Variants in KNTC1 observed in about 807,000 individuals in gnomAD.
The protein encoded by KNTC1 is kinetochore associated 1.
Under a neutral mutation model 314.4 loss-of-function variants are expected in KNTC1, and 253 were observed. That is an observed-to-expected ratio of 0.80 (90% CI 0.73 to 0.89). The LOEUF (loss-of-function observed/expected upper bound fraction) is 0.89. KNTC1 is among the 40% of genes least tolerant of loss of function. The pLI is 0.00. For synonymous variants in KNTC1, 901 were observed against 901.4 expected (o/e 1.00, Z 0.01); for missense variants, 2,475 against 2,572.9 (o/e 0.96, Z 0.82).
At chr12:122,554,696 G>T (rs1963457731) in intron 16 of KNTC1, among the ~76,000 whole-genome samples, 1 of 152,070 alleles carries the variant, frequency 6.6e-6, no homozygotes, top group South Asian at 2.1e-4. Flanking sequence ...GAAAATCTGT[G>T]AAAGAAATGA....
intron 20 of KNTC1, among the ~76,000 whole-genome samples, chr12:122,564,312 T>C (rs1964164518): frequency 6.6e-6 from 1 of 152,122 alleles, no homozygotes; most frequent in African/African-American, 2.4e-5. Flanking sequence ...GAAAATCCAT[T>C]TCTGATGATA....
intron 6 of KNTC1, 145 bp from the exon 7 acceptor site, chr12:122,543,455 G>T: frequency 1.7e-6 from 1 of 592,372 alleles, no homozygotes; most frequent in Non-Finnish European, 3.0e-6. Flanking sequence ...CACAGTTAGC[G>T]TATTTTGGTC....
At chr12:122,608,674 C>G (rs78388330) in intron 51 of KNTC1, among the ~76,000 whole-genome samples, 5,928 of 152,196 alleles carry the variant, frequency 0.039, 407 homozygotes, top group African/African-American at 0.14. Context: ...TACATAGCAC[C>G]TAGTACAGTA....
At chr12:122,617,686 G>T (rs901864538) in intron 57 of KNTC1, among the ~76,000 whole-genome samples, 2 of 152,118 alleles carry the variant, frequency 1.3e-5, no homozygotes, top group African/African-American at 2.4e-5. Context: ...TGTATAATGA[G>T]ATCCTGAAAG....
Position 122,618,486 on chromosome 12 carries a change from T to A in KNTC1, c.6090T>A (p.Ser2030=), listed in dbSNP as rs1468433770. ...RVIQIPLLSA[S]CPLSPDQLSD... ...GTTTTTTTGTTTTGTTTTCAGCCTCTTGTCCTTTAAGTCCTGATCAGCTGT... is the reference window on the plus strand; with the variant it reads ...GTTTTTTTGTTTTGTTTTCAGCCTCATGTCCTTTAAGTCCTGATCAGCTGT... The change falls in exon 59 of 64, where the codon TCT becomes TCA. Residue 2030 remains serine, a synonymous_variant. Transcript: ENST00000333479. The A allele has an allele frequency of 8.1e-6, 13 of 1,612,076 alleles. No individual in the cohort carries two copies. Among genetic ancestry groups the A allele is most frequent in the African/African-American group, 2.7e-5 (2 of 74,712 alleles).
Position 122,621,342 on chromosome 12 carries a change from C to T in KNTC1, c.6280-539C>T, listed in dbSNP as rs529211448. 3.9e-5 allele frequency among the ~76,000 whole-genome samples: 6 copies of T among 152,232 alleles called. No homozygotes were observed. The South Asian group carries it at 1.2e-3, about 32-fold the overall frequency. ...ATAAATGAACATACATGCATTCAGG[C>T]TTTTTCGTTTGTTTGTTTTTTGTGT... On this transcript the variant is annotated intron_variant, in intron 60 of 63. Coordinates refer to ENST00000333479, the MANE Select transcript of KNTC1 (RefSeq NM_014708.6).
chr12:122,556,226 C>G (rs117758059), intron 16 of KNTC1, among the ~76,000 whole-genome samples: 11,048 of 151,916 alleles, frequency 0.073, 554 homozygotes, highest in Middle Eastern at 0.13. Flanking sequence ...CCATGTTGCT[C>G]AAGCTGGTCT....
intron 43 of KNTC1, among the ~76,000 whole-genome samples, chr12:122,596,453 G>A (rs1197873566): frequency 2.6e-5 from 4 of 151,292 alleles, no homozygotes; most frequent in South Asian, 2.1e-4. Flanking sequence ...TCCTGACCTC[G>A]TGATCCACCT....
intron 43 of KNTC1, among the ~76,000 whole-genome samples, chr12:122,595,796 T>C (rs1456660419): frequency 6.6e-6 from 1 of 152,244 alleles, no homozygotes; most frequent in African/African-American, 2.4e-5. Context: ...AGGACACTTT[T>C]TTGAAATTTA....
intron 33 of KNTC1, among the ~76,000 whole-genome samples, chr12:122,581,187 TTG>T: frequency 6.6e-6 from 1 of 151,306 alleles, no homozygotes; most frequent in African/African-American, 2.4e-5. Context: ...TTTTGTTATG[TTG>T]TGTTATTAAT....
intron 31 of KNTC1, among the ~76,000 whole-genome samples, chr12:122,578,323 T>G (rs1965166853): frequency 6.6e-6 from 1 of 152,114 alleles, no homozygotes; most frequent in Non-Finnish European, 1.5e-5. Context: ...CCCAGGCTGG[T>G]CTTGAACTCC....
chr12:122,572,890 CATACTT>C, intron 24 of KNTC1, 41 bp from the exon 25 acceptor site: 1 of 1,341,574 alleles, frequency 7.5e-7, no homozygotes, highest in South Asian at 1.3e-5. Flanking sequence ...ATTTTTCTCT[CATACTT>C]TTATTTTATA....
rs34344479 is a variant in KNTC1, at chr12:122,606,222, C to CTT, written c.5496+828_5496+829dup. Among the ~76,000 whole-genome samples, 881 of 109,728 alleles carry CTT rather than the reference C, an allele frequency of 8.0e-3. 14 individuals carry two copies. Among genetic ancestry groups the CTT allele is most frequent in the Middle Eastern group, 0.027 (5 of 188 alleles). The allele number at this position is 109,728 out of a possible 152,430, so 72.0% of individuals were successfully genotyped here. ...TGATAAGTTTTAAAGAGATTGTTTA[C>CTT]TTTTTTTTTTTTTTTTTTTTTTGGA... is the stretch of plus-strand genomic sequence containing the variant. On this transcript the variant is annotated intron_variant, in intron 51 of 63. Coordinates refer to ENST00000333479, the MANE Select transcript of KNTC1 (RefSeq NM_014708.6).
chr12:122,582,603 AAAT>A, intron 33 of KNTC1, 99 bp from the exon 34 acceptor site: 1 of 1,136,332 alleles, frequency 8.8e-7, no homozygotes, highest in South Asian at 1.7e-5. Context: ...CCTGAATCTA[AAAT>A]AAAAGTTGAA....
chr12:122,558,381 G>T (rs1963745775), intron 18 of KNTC1, among the ~76,000 whole-genome samples: 1 of 150,648 alleles, frequency 6.6e-6, no homozygotes, highest in Non-Finnish European at 1.5e-5. Flanking sequence ...ACCTCATGTT[G>T]TCTCTACTAA....
At chr12:122,620,439 A>G in intron 59 of KNTC1, 40 bp from the exon 60 acceptor site, 1 of 1,588,348 alleles carries the variant, frequency 6.3e-7, no homozygotes, top group Non-Finnish European at 8.6e-7. Flanking sequence ...AATCTAGTGA[A>G]TCTGCCAGAT....
chr12:122,599,332 G>A (rs951829759), intron 44 of KNTC1, among the ~76,000 whole-genome samples: 3 of 150,452 alleles, frequency 2.0e-5, no homozygotes, highest in Non-Finnish European at 4.4e-5. Context: ...GTAGTTTAAT[G>A]GAGAAATGAA....
intron 40 of KNTC1, 24 bp downstream of exon 40, chr12:122,588,840 ATT>A (rs765599278): frequency 3.9e-5 from 57 of 1,457,302 alleles, no homozygotes; most frequent in Non-Finnish European, 5.0e-5. Flanking sequence ...CTGGGTAAAA[ATT>A]TTGTTTGTTT....
intron 1 of KNTC1, among the ~76,000 whole-genome samples, chr12:122,529,136 G>T (rs1388908732): frequency 6.6e-6 from 1 of 152,080 alleles, no homozygotes; most frequent in Admixed American, 6.6e-5. Flanking sequence ...GAGCCACCGC[G>T]CCGGCCTGGT....
Sources: gnomAD v4.1 joint callset for allele counts (sites outside exome capture counted in the v4.1 genomes callset) on GRCh38, gnomAD v4.1.1 for gene constraint, MANE v1.5 for transcripts, NCBI Gene and HGNC (gene_info 2026-07-23, HGNC 2026-07-21) for gene names.